NCAPD3: variants seen among roughly 807,000 people sequenced by gnomAD.
The protein encoded by NCAPD3 is condensin-2 complex subunit D3.
A neutral mutation model predicts 182.9 loss-of-function variants in NCAPD3; 105 were observed. That is an observed-to-expected ratio of 0.57 (90% CI 0.49 to 0.68). NCAPD3 has a LOEUF of 0.68. NCAPD3 is among the 30% of genes least tolerant of loss of function. The pLI is 0.00. For synonymous variants in NCAPD3, 815 were observed against 679.9 expected, an observed-to-expected ratio of 1.20 and a Z score of -3.09; for missense variants, 1,944 against 1,837.0, an observed-to-expected ratio of 1.06 and a Z score of -1.07.
Position 134,209,327 on chromosome 11 carries a change from G to A in NCAPD3, c.718C>T (p.Gln240Ter). ...FSLKEKPQCV[Q>*]NCIEVFVSLT... ...TTTTCACTTACCTCTATACAATTCT[G>A]TACACATTGTGGCTTTTCTTTCAAG... Residue 240 changes from glutamine to a stop codon, truncating the protein, a stop_gained, in exon 5 of 35, where the codon CAG (glutamine) becomes TAG (stop). Coordinates refer to ENST00000534548, the MANE Select transcript of NCAPD3 (RefSeq NM_015261.3). LOFTEE classifies it high-confidence loss of function. 1 of 1,613,724 alleles carries A rather than the reference G, an allele frequency of 6.2e-7. No homozygotes were observed. Among genetic ancestry groups the A allele is most frequent in the Non-Finnish European group, 8.5e-7 (1 of 1,179,918 alleles).
Position 134,184,669 on chromosome 11 carries a change from T to C in NCAPD3, c.2419A>G (p.Arg807Gly), listed in dbSNP as rs749807179. The stretch of plus-strand genomic sequence containing the variant: ...TCTGCTGGTGTCTCTGCAGATGCTC[T>C]ACAAAGCCTCTGCAAGGCGTCAACA... Reference protein sequence around the residue: ...SAVDALQRLCRASAETPAEEQ... With the variant: ...SAVDALQRLCGASAETPAEEQ... Residue 807 changes from arginine to glycine, a missense_variant, in exon 19 of 35, where the codon AGA (arginine) becomes GGA (glycine). This residue lies in a region of NCAPD3 where 1,803 missense variants were observed against 1,674.6 expected (regional missense o/e 1.08). Coordinates refer to ENST00000534548, the MANE Select transcript of NCAPD3 (RefSeq NM_015261.3). 1 of 1,613,826 alleles carries C rather than the reference T, an allele frequency of 6.2e-7. No homozygotes were observed. The highest frequency in any genetic ancestry group is 8.5e-7 in the Non-Finnish European group (1 of 1,179,898).
chr11:134,199,844 G>T (rs555691158), intron 13 of NCAPD3, among the ~76,000 whole-genome samples: 2 of 152,158 alleles, frequency 1.3e-5, no homozygotes, highest in African/African-American at 4.8e-5. Flanking sequence ...AGAACGCAAC[G>T]GCAATCAACA....
rs1051743331 is a variant in NCAPD3 at position 134,161,194 on chromosome 11, CTA to C, written c.3684+585_3684+586del. On this transcript the variant is annotated intron_variant, in intron 28 of 34. Transcript: ENST00000534548. ...CTATAACTGCTGAATTAAAGAAAAA[CTA>C]TGTTGCATTTATTTCTTAGTAAAAG... is the stretch of plus-strand genomic sequence containing the variant. Among the ~76,000 whole-genome samples, 6 of 152,122 alleles carry C rather than the reference CTA, an allele frequency of 3.9e-5. No individual in the cohort carries two copies. In the East Asian group the frequency reaches 1.2e-3, roughly 29 times the overall value.
intron 27 of NCAPD3, among the ~76,000 whole-genome samples, chr11:134,164,336 A>G (rs1180347608): frequency 1.3e-5 from 2 of 152,256 alleles, no homozygotes; most frequent in Admixed American, 6.5e-5. Flanking sequence ...GTTTTGACAG[A>G]GTAAGTCAGA....
At position 134,181,058 on chromosome 11, in the gene NCAPD3, A is replaced by T. The variant is rs1209532381; in HGVS notation, c.2559+19T>A. The T allele has an allele frequency of 6.4e-7, 1 of 1,565,320 alleles. No homozygotes were observed. The highest frequency in any genetic ancestry group is 8.8e-7 in the Non-Finnish European group (1 of 1,135,812). On this transcript the variant is annotated intron_variant, in intron 20 of 34. Coordinates refer to ENST00000534548, the MANE Select transcript of NCAPD3 (RefSeq NM_015261.3). ...TAAAATGGAAGCGAAAAGAATGGTT[A>T]GGAAAAGCAGTCGCTTACCAACAGG...
rs1244761542 is a variant in NCAPD3, at chr11:134,223,932, C to T, written c.-6G>A. 1 of 1,612,174 alleles carries T rather than the reference C, an allele frequency of 6.2e-7. No individual in the cohort carries two copies. Among genetic ancestry groups the T allele is most frequent in the Admixed American group, 1.7e-5 (1 of 59,972 alleles). On this transcript the variant is annotated 5_prime_UTR_variant, in exon 1 of 35. Coordinates refer to ENST00000534548, the MANE Select transcript of NCAPD3 (RefSeq NM_015261.3). ...AGGCCCCGCAACGCCACCATGATCC[C>T]AGGGCACCGGCTCGCCGCCGCCGTG... is the stretch of plus-strand genomic sequence containing the variant.
At chr11:134,163,205 T>G (rs1040173374) in intron 27 of NCAPD3, among the ~76,000 whole-genome samples, 6 of 152,146 alleles carry the variant, frequency 3.9e-5, no homozygotes, top group Non-Finnish European at 7.4e-5. Context: ...TTTTAAAGAT[T>G]TCACTAGTGA....
intron 28 of NCAPD3, 100 bp downstream of exon 28, chr11:134,161,681 C>A (rs1943584333): frequency 1.4e-6 from 1 of 738,106 alleles, no homozygotes; most frequent in Non-Finnish European, 2.3e-6. Context: ...ATTTGGGGTT[C>A]TAATCATTCA....
chr11:134,173,161 C>T (rs1944059566), intron 24 of NCAPD3: 1 of 152,980 alleles, frequency 6.5e-6, no homozygotes, highest in African/African-American at 2.4e-5. Context: ...CAGATGCAGC[C>T]TGTGGCCAAC....
chr11:134,167,485 T>A (rs1197933654), intron 27 of NCAPD3, among the ~76,000 whole-genome samples: 3 of 130,000 alleles, frequency 2.3e-5, no homozygotes, highest in African/African-American at 8.9e-5. Flanking sequence ...TGAGATGAGC[T>A]TGGGGGAGGC....
intron 29 of NCAPD3, among the ~76,000 whole-genome samples, 172 bp downstream of exon 29, chr11:134,159,720 T>A (rs1943524392): frequency 6.6e-6 from 1 of 152,164 alleles, no homozygotes; most frequent in South Asian, 2.1e-4. Flanking sequence ...GCACAGTAAA[T>A]CCATCACAGA....
At position 134,221,585 on chromosome 11, in the gene NCAPD3, G is replaced by C. The variant is rs933906092; in HGVS notation, c.65-859C>G. 2.6e-5 allele frequency among the ~76,000 whole-genome samples: 4 copies of C among 151,806 alleles called. No homozygotes were observed. The East Asian group carries it at 7.7e-4, about 29-fold the overall frequency. On this transcript the variant is annotated intron_variant, in intron 1 of 34. Transcript: ENST00000534548. ...ACTATATTTCTTCAGTGTTGTCATT[G>C]TCACTTTCCCAAACTAAAATTAGGA...
At chr11:134,164,258 C>A (rs1205793858) in intron 27 of NCAPD3, among the ~76,000 whole-genome samples, 1 of 152,212 alleles carries the variant, frequency 6.6e-6, no homozygotes, top group Non-Finnish European at 1.5e-5. Flanking sequence ...AGACTCCAGT[C>A]TGCAAGAGCA....
intron 30 of NCAPD3, 57 bp from the exon 31 acceptor site, chr11:134,158,124 C>A: frequency 6.3e-7 from 1 of 1,578,688 alleles, no homozygotes; most frequent in Non-Finnish European, 8.6e-7. Context: ...GCAGAGGTGA[C>A]AGTGCTGCAC....
At position 134,176,436 on chromosome 11, in the gene NCAPD3, C is replaced by A. The variant is rs368081696; in HGVS notation, c.3022-50G>T. 7.2e-5 allele frequency: 109 copies of A among 1,513,276 alleles called. No individual in the cohort carries two copies. In the African/African-American group the frequency reaches 1.5e-3, roughly 20 times the overall value. The allele number at this position is 1,513,276 out of a possible 1,614,324, so 93.7% of individuals were successfully genotyped here. A position where few individuals can be genotyped will look rare whatever the true frequency, so the allele number is the denominator to read the frequency against. ...TTCAGAGTGCGTCATCATGGGCAAG[C>A]CTCACTGTTCCCAGCCACACCCCAC... On this transcript the variant is annotated intron_variant, in intron 23 of 34. Transcript: ENST00000534548.
intron 14 of NCAPD3, 89 bp downstream of exon 14, chr11:134,194,576 T>G: frequency 2.3e-6 from 2 of 864,548 alleles, no homozygotes; most frequent in South Asian, 3.9e-5. Flanking sequence ...AATTAAGTAA[T>G]GAATATGGCC....
rs1312622682 is a variant in NCAPD3, at chr11:134,150,399, G to A, written c.*2545C>T. ...CCAGTCAGCTCCTGGGGTTGCGCCA[G>A]GCGCCCCCGCTCTAGCTCACTGTTG... On this transcript the variant is annotated 3_prime_UTR_variant, in exon 35 of 35. Transcript: ENST00000534548. 1 of 152,328 alleles carries A rather than the reference G, an allele frequency of 6.6e-6. No homozygotes were observed. The highest frequency in any genetic ancestry group is 1.5e-5 in the Non-Finnish European group (1 of 68,098). 9.4% of individuals were successfully genotyped at this position (152,328 alleles called of 1,614,324 possible). A position where few individuals can be genotyped will look rare whatever the true frequency, so the allele number is the denominator to read the frequency against.
At chr11:134,220,917 T>C (rs1041395690) in intron 1 of NCAPD3, among the ~76,000 whole-genome samples, 191 bp from the exon 2 acceptor site, 3 of 152,046 alleles carry the variant, frequency 2.0e-5, no homozygotes, top group South Asian at 2.1e-4. Context: ...AAATCACAAC[T>C]GACACTGACT....
Position 134,192,751 on chromosome 11 carries a change from G to A in NCAPD3, c.1983C>T (p.Asp661=), listed in dbSNP as rs762480974. 2.5e-5 allele frequency: 40 copies of A among 1,614,102 alleles called. No homozygotes were observed. The highest frequency in any genetic ancestry group is 6.7e-5 in the Admixed American group (4 of 60,008). The change falls in exon 16 of 35, where the codon GAC becomes GAT. Residue 661 remains aspartate (D), a synonymous_variant. Transcript: ENST00000534548. ...IRHHSHFHSG[D]DSQVLAWALL... is the part of the protein sequence containing the mutation. The stretch of plus-strand genomic sequence containing the variant: ...GCGCCCAGGCGAGGACCTGGCTGTC[G>A]TCCCCAGAGTGAAAATGACTGTGAT...
Sources: allele counts gnomAD v4.1 joint callset (sites outside exome capture counted in the v4.1 genomes callset), GRCh38; gene constraint gnomAD v4.1.1; regional missense constraint gnomAD v4.1.1; transcripts MANE v1.5; gene names NCBI Gene and HGNC (gene_info 2026-07-23, HGNC 2026-07-21).